Variants in LRRC7 observed in about 807,000 individuals in gnomAD.
LRRC7 encodes leucine-rich repeat-containing protein 7.
In LRRC7, 23 loss-of-function variants were observed where a neutral mutation model predicts 175.7. The observed-to-expected ratio is 0.13, with a 90% confidence interval of 0.09 to 0.19. LRRC7 has a LOEUF of 0.19. LRRC7 is among the 10% of genes least tolerant of loss of function. The probability of loss-of-function intolerance (pLI) is 1.00; values close to 1 mark genes in which losing one functional copy is unlikely to be tolerated. For missense variants in LRRC7, 1,354 were observed against 1,904.7 expected, an observed-to-expected ratio of 0.71 and a Z score of 5.38; for synonymous variants, 685 against 680.9, an observed-to-expected ratio of 1.01 and a Z score of -0.09.
intron 7 of LRRC7, among the ~76,000 whole-genome samples, chr1:69,890,097 A>T (rs1338206514): frequency 6.6e-6 from 1 of 152,190 alleles, no homozygotes; most frequent in African/African-American, 2.4e-5. Flanking sequence ...ATCTCCTCTC[A>T]TAAATTATGA....
chr1:69,873,574 G>T (rs570450608), intron 7 of LRRC7: 1 of 509,544 alleles, frequency 2.0e-6, no homozygotes, highest in African/African-American at 2.0e-5. Context: ...AGAAATGGCA[G>T]CATCAGGAGC....
chr1:69,934,205 G>T (rs1017518204), intron 8 of LRRC7, among the ~76,000 whole-genome samples: 5 of 152,136 alleles, frequency 3.3e-5, no homozygotes, highest in African/African-American at 7.2e-5. Flanking sequence ...GACACCGTAG[G>T]AGATTATCAT....
intron 2 of LRRC7, among the ~76,000 whole-genome samples, chr1:69,736,674 C>G (rs1043460358): frequency 6.6e-6 from 1 of 152,026 alleles, no homozygotes; most frequent in African/African-American, 2.4e-5. Flanking sequence ...AAAGCCATCA[C>G]CTATTTGAAT....
chr1:69,808,737 A>T (rs558149634), intron 4 of LRRC7, among the ~76,000 whole-genome samples: 9 of 152,152 alleles, frequency 5.9e-5, no homozygotes, highest in African/African-American at 2.2e-4. Flanking sequence ...ACAATGTACC[A>T]TAATCTCTGG....
chr1:70,015,749 T>C (rs1227239390), intron 13 of LRRC7, among the ~76,000 whole-genome samples: 1 of 152,166 alleles, frequency 6.6e-6, no homozygotes, highest in East Asian at 1.9e-4. Flanking sequence ...TTAGAAGTGC[T>C]AATTTTTTAA....
chr1:70,006,118 A>G (rs1167013103), intron 11 of LRRC7, among the ~76,000 whole-genome samples: 4 of 152,146 alleles, frequency 2.6e-5, no homozygotes, highest in African/African-American at 9.7e-5. Flanking sequence ...GTCAGCTGGA[A>G]TTGTAGGTTA....
rs1389588840 is a variant in LRRC7 at position 70,112,428 on chromosome 1, G to A, written c.4620+4602G>A. On this transcript the variant is annotated intron_variant, in intron 26 of 26. Coordinates refer to ENST00000651989, the MANE Select transcript of LRRC7 (RefSeq NM_001370785.2). ...ATTAGAAGCCCCTTAATAGGTAGGA[G>A]GGAAGTCATGTGTCCTAAGGGAGCT... Among the ~76,000 whole-genome samples the A allele has an allele frequency of 2.0e-5, 3 of 152,148 alleles. No individual in the cohort carries two copies. In the South Asian group the frequency reaches 6.2e-4, roughly 32 times the overall value.
At position 70,013,007 on chromosome 1, in the gene LRRC7, C is replaced by T. The variant is rs371532826; in HGVS notation, c.1168C>T (p.Leu390=). 73 of 1,584,276 alleles carry T rather than the reference C, an allele frequency of 4.6e-5. No homozygotes were observed. The highest frequency in any genetic ancestry group is 5.5e-5 in the African/African-American group (4 of 73,390). The part of the protein sequence containing the change: ...GSCKNVTVMS[L]RSNKLEFLPE... ...TTGTAAGAATGTAACAGTCATGTCT[C>T]TACGCTCCAACAAATTAGAATTTCT... Residue 390 remains leucine (L), a synonymous_variant, in exon 13 of 27, where the codon CTA becomes TTA. Transcript: ENST00000651989.
chr1:69,878,382 A>T (rs1686241148), intron 7 of LRRC7, among the ~76,000 whole-genome samples: 1 of 152,148 alleles, frequency 6.6e-6, no homozygotes, highest in Non-Finnish European at 1.5e-5. Flanking sequence ...ATTATCTTTG[A>T]AAATCCACTG....
At chr1:69,899,083 T>A (rs1406692810) in intron 7 of LRRC7, among the ~76,000 whole-genome samples, 1 of 152,182 alleles carries the variant, frequency 6.6e-6, no homozygotes, top group Non-Finnish European at 1.5e-5. Flanking sequence ...AGTATTTTTT[T>A]ATCTGTGAGC....
At chr1:69,610,888 A>T (rs1274512975) in intron 1 of LRRC7, among the ~76,000 whole-genome samples, 1 of 152,048 alleles carries the variant, frequency 6.6e-6, no homozygotes, top group Non-Finnish European at 1.5e-5. Context: ...TGATTTCTTA[A>T]TGAAATCTAT....
chr1:69,988,477 T>G (rs1654139900), intron 10 of LRRC7, among the ~76,000 whole-genome samples: 1 of 152,118 alleles, frequency 6.6e-6, no homozygotes, highest in Non-Finnish European at 1.5e-5. Flanking sequence ...CCTGAACCTG[T>G]GATAGAATGG....
At chr1:69,954,187 G>A (rs1488888657) in intron 8 of LRRC7, among the ~76,000 whole-genome samples, 2 of 152,040 alleles carry the variant, frequency 1.3e-5, no homozygotes, top group Admixed American at 1.3e-4. Flanking sequence ...TGGATAGGTG[G>A]GGAGGGGAGA....
At chr1:70,022,714 A>T (rs559824810) in intron 16 of LRRC7, among the ~76,000 whole-genome samples, 4 of 152,330 alleles carry the variant, frequency 2.6e-5, no homozygotes, top group African/African-American at 7.2e-5. Context: ...CTTCTAAATA[A>T]ATCATCATGG....
intron 3 of LRRC7, among the ~76,000 whole-genome samples, chr1:69,761,112 A>T (rs1344920317): frequency 6.6e-6 from 1 of 152,032 alleles, no homozygotes; most frequent in Non-Finnish European, 1.5e-5. Context: ...GCAGACCAAG[A>T]CCACACAGCA....
intron 7 of LRRC7, among the ~76,000 whole-genome samples, chr1:69,898,749 T>C (rs1646051613): frequency 6.6e-6 from 1 of 151,954 alleles, no homozygotes; most frequent in Non-Finnish European, 1.5e-5. Flanking sequence ...CTGTGGAGGA[T>C]AAGAAGCATG....
intron 1 of LRRC7, among the ~76,000 whole-genome samples, chr1:69,636,185 T>A (rs1162626952): frequency 6.6e-6 from 1 of 152,034 alleles, no homozygotes; most frequent in Non-Finnish European, 1.5e-5. Flanking sequence ...AATGGCCAGA[T>A]TTGTGTTTTC....
intron 3 of LRRC7, among the ~76,000 whole-genome samples, chr1:69,787,073 GAAA>G (rs1193823839): frequency 6.6e-6 from 1 of 152,160 alleles, no homozygotes; most frequent in Non-Finnish European, 1.5e-5. Context: ...CCAAATAGAA[GAAA>G]TTGGCCAAAA....
At chr1:69,692,117 G>T (rs1661965913) in intron 2 of LRRC7, among the ~76,000 whole-genome samples, 1 of 152,086 alleles carries the variant, frequency 6.6e-6, no homozygotes, top group Non-Finnish European at 1.5e-5. Context: ...AGCAGTACAA[G>T]AAACCACAGG....
Sources: allele counts gnomAD v4.1 joint callset (sites outside exome capture counted in the v4.1 genomes callset), GRCh38; gene constraint gnomAD v4.1.1; transcripts MANE v1.5; gene names NCBI Gene and HGNC (gene_info 2026-07-23, HGNC 2026-07-21).